Variants in MYO6 observed in about 807,000 individuals in gnomAD.
The protein encoded by MYO6 is myosin VI.
A neutral mutation model predicts 178.7 loss-of-function variants in MYO6; 74 were observed. The observed-to-expected ratio is 0.41, with a 90% CI of 0.34 to 0.50. MYO6 has a LOEUF of 0.50. MYO6 is among the 20% of genes least tolerant of loss of function. The pLI, the probability that MYO6 is intolerant of heterozygous loss-of-function variation, is 0.09. For missense variants in MYO6, 1,330 were observed against 1,547.4 expected (o/e 0.86, Z 2.36); for synonymous variants, 477 against 504.6 (o/e 0.95, Z 0.73).
intron 11 of MYO6, among the ~76,000 whole-genome samples, chr6:75,849,024 T>C (rs1191713337): frequency 1.3e-5 from 2 of 152,194 alleles, no homozygotes; most frequent in Admixed American, 6.5e-5. Context: ...TTTAAATACA[T>C]GGCAAAAGCA....
chr6:75,869,267 A>G (rs778614621), intron 18 of MYO6, among the ~76,000 whole-genome samples: 3 of 152,032 alleles, frequency 2.0e-5, no homozygotes, highest in South Asian at 2.1e-4. Context: ...CTTTAATTCA[A>G]TGACAAATCC....
rs991096994 is a variant in MYO6 at position 75,822,976 on chromosome 6, G to A, written c.187+125G>A. On this transcript the variant is annotated intron_variant, in intron 3 of 34. Transcript: ENST00000369977. ...CAGAAACAATCTAGTCTTTTGACAT[G>A]AATATTCATGTGAATGAAGGAACTC... 2.5e-5 allele frequency: 19 copies of A among 754,238 alleles called. No homozygotes were observed. The South Asian group carries it at 2.7e-4, about 11-fold the overall frequency. 46.7% of individuals were successfully genotyped at this position (754,238 alleles called of 1,614,324 possible).
chr6:75,818,172 T>G (rs1771477096), intron 2 of MYO6, among the ~76,000 whole-genome samples: 1 of 152,224 alleles, frequency 6.6e-6, no homozygotes, highest in Non-Finnish European at 1.5e-5. Context: ...TAATAGATGC[T>G]TTAATTCTGT....
At chr6:75,796,164 A>G (rs1265367337) in intron 1 of MYO6, among the ~76,000 whole-genome samples, 3 of 152,178 alleles carry the variant, frequency 2.0e-5, no homozygotes, top group Non-Finnish European at 4.4e-5. Context: ...ATTATTGCCT[A>G]CCATTCTGTT....
chr6:75,783,731 C>G (rs1489693944), intron 1 of MYO6, among the ~76,000 whole-genome samples: 1 of 152,002 alleles, frequency 6.6e-6, no homozygotes, highest in East Asian at 1.9e-4. Context: ...TTTTGATGAT[C>G]ATTTAGTGTT....
At chr6:75,797,568 C>G (rs148208151) in intron 1 of MYO6, among the ~76,000 whole-genome samples, 48 of 151,958 alleles carry the variant, frequency 3.2e-4, no homozygotes, top group African/African-American at 1.1e-3. Context: ...AAGTCTCACT[C>G]TGTTGCCCAG....
At chr6:75,750,463 G>T (rs1776780059) in intron 1 of MYO6, among the ~76,000 whole-genome samples, 1 of 151,196 alleles carries the variant, frequency 6.6e-6, no homozygotes, top group East Asian at 1.9e-4. Flanking sequence ...TGATTTACAA[G>T]TATTAGTGAG....
At chr6:75,882,993 G>A (rs1302227658) in intron 23 of MYO6, among the ~76,000 whole-genome samples, 1 of 152,150 alleles carries the variant, frequency 6.6e-6, no homozygotes, top group East Asian at 1.9e-4. Context: ...GTTGCCCAGA[G>A]AACTGAAATC....
At chr6:75,897,476 G>A (rs919248564) in intron 29 of MYO6, among the ~76,000 whole-genome samples, 5 of 152,232 alleles carry the variant, frequency 3.3e-5, no homozygotes, top group Admixed American at 2.6e-4. Flanking sequence ...TGTTCATTAC[G>A]AGAAAAGAGG....
Position 75,911,708 on chromosome 6 carries a change from T to TG in MYO6, c.3439+13dup. 6.2e-7 allele frequency: 1 copy of TG among 1,610,672 alleles called. No homozygotes were observed. Among genetic ancestry groups the TG allele is most frequent in the Non-Finnish European group, 8.5e-7 (1 of 1,177,124 alleles). ...TTTTTGAACAATTCACGTAAGTCAA[T>TG]GGGTGGTAACTCATGAGCTAACTGG... On this transcript the variant is annotated intron_variant, in intron 33 of 34. Coordinates refer to ENST00000369977, the MANE Select transcript of MYO6 (RefSeq NM_004999.4).
chr6:75,866,866 C>A, intron 17 of MYO6, 66 bp from the exon 18 acceptor site: 1 of 1,531,908 alleles, frequency 6.5e-7, no homozygotes, highest in Non-Finnish European at 9.0e-7. Context: ...TTCCTTTGGA[C>A]AGAGCCATGT....
At chr6:75,834,751 T>C (rs760102168) in intron 6 of MYO6, among the ~76,000 whole-genome samples, 3 of 93,036 alleles carry the variant, frequency 3.2e-5, no homozygotes, top group Non-Finnish European at 6.6e-5. Flanking sequence ...TATGTAAATA[T>C]GTATGCTGTT....
rs577556932 is a variant in MYO6 at position 75,801,741 on chromosome 6, GA to G, written c.-47-15759del. Reference sequence around the variant, plus strand: ...GGATCACCTGAGGTCATGACCTCAAGACCAGCCTGGCCAACCTGGTGAAACC... The same window carrying G: ...GGATCACCTGAGGTCATGACCTCAAGCCAGCCTGGCCAACCTGGTGAAACC... On this transcript the variant is annotated intron_variant, in intron 1 of 34. Coordinates refer to ENST00000369977, the MANE Select transcript of MYO6 (RefSeq NM_004999.4). Among the ~76,000 whole-genome samples, 199 of 152,224 alleles carry G rather than the reference GA, an allele frequency of 1.3e-3. 1 individual carries two copies. Among genetic ancestry groups the G allele is most frequent in the African/African-American group, 4.6e-3 (193 of 41,532 alleles).
At chr6:75,817,478 C>A in intron 1 of MYO6, 23 bp from the exon 2 acceptor site, 1 of 1,128,404 alleles carries the variant, frequency 8.9e-7, no homozygotes, top group Non-Finnish European at 1.4e-6. Context: ...ATTCATGTTG[C>A]TGTATTTGTT....
intron 14 of MYO6, among the ~76,000 whole-genome samples, chr6:75,859,755 G>A (rs1256944528): frequency 1.3e-5 from 2 of 151,056 alleles, no homozygotes; most frequent in Non-Finnish European, 2.9e-5. Context: ...TGCCTCCCAG[G>A]TTCAAGCGAT....
chr6:75,844,255 C>T (rs968704635), intron 9 of MYO6, among the ~76,000 whole-genome samples: 1 of 152,082 alleles, frequency 6.6e-6, no homozygotes, highest in Non-Finnish European at 1.5e-5. Flanking sequence ...AACTACTCCT[C>T]TTGTTCTATA....
At chr6:75,749,966 A>C (rs1391717325) in intron 1 of MYO6, among the ~76,000 whole-genome samples, 1 of 152,206 alleles carries the variant, frequency 6.6e-6, no homozygotes, top group Non-Finnish European at 1.5e-5. Context: ...GTTAATTTCC[A>C]AAAACTCCCT....
At chr6:75,780,532 A>G (rs1175399226) in intron 1 of MYO6, among the ~76,000 whole-genome samples, 1 of 152,238 alleles carries the variant, frequency 6.6e-6, no homozygotes, top group Non-Finnish European at 1.5e-5. Flanking sequence ...AACATAAGGT[A>G]TATGCTGGAT....
chr6:75,872,119 A>ACT (rs1200068923), intron 19 of MYO6, among the ~76,000 whole-genome samples: 1 of 151,914 alleles, frequency 6.6e-6, no homozygotes, highest in Admixed American at 6.6e-5. Flanking sequence ...ACAGAATGAG[A>ACT]CTCTCTCTCA....
Sources: gnomAD v4.1 joint callset for allele counts (sites outside exome capture counted in the v4.1 genomes callset) on GRCh38, gnomAD v4.1.1 for gene constraint, MANE v1.5 for transcripts, NCBI Gene and HGNC (gene_info 2026-07-23, HGNC 2026-07-21) for gene names.